The following NOTCH2 variants were observed in gnomAD, a reference collection of about 807,000 sequenced individuals.
NOTCH2 encodes the protein neurogenic locus notch homolog protein 2.
In NOTCH2, 29 loss-of-function variants were observed where a neutral mutation model predicts 235.8. The observed-to-expected ratio is 0.12, with a 90% CI of 0.09 to 0.17. NOTCH2 has a LOEUF of 0.17. NOTCH2 is among the 10% of genes least tolerant of loss of function. The pLI, the probability that NOTCH2 is intolerant of heterozygous loss-of-function variation, is 1.00. For synonymous variants in NOTCH2, 1,086 were observed against 1,141.5 expected (o/e 0.95, Z 0.98); for missense variants, 2,285 against 3,150.2 (o/e 0.73, Z 6.57).
chr1:119,965,575 G>C lies in NOTCH2; in HGVS notation c.1568-9C>G. 1 of 1,561,714 alleles carries C rather than the reference G, an allele frequency of 6.4e-7. No individual in the cohort carries two copies. ...AACTGGCCCAGTGAAACCTCAAAAA[G>C]GGACAGTGGTAACATGAGTCAAAGG... On this transcript the variant is annotated splice_polypyrimidine_tract_variant and intron_variant, in intron 9 of 33. Transcript: ENST00000256646.
At chr1:120,064,598 C>T (rs1655432060) in intron 1 of NOTCH2, among the ~76,000 whole-genome samples, 1 of 151,806 alleles carries the variant, frequency 6.6e-6, no homozygotes, top group African/African-American at 2.4e-5. Flanking sequence ...TTCTGTAGTA[C>T]AGAGAAGAAA....
chr1:119,925,758 T>C lies in NOTCH2; in HGVS notation c.4058A>G (p.Lys1353Arg), dbSNP rs2101163221. 6.2e-7 allele frequency: 1 copy of C among 1,614,106 alleles called. No homozygotes were observed. The highest frequency in any genetic ancestry group is 1.3e-5 in the African/African-American group (1 of 75,042). The change falls in exon 25 of 34, where the codon AAG becomes AGG. Residue 1353 changes from lysine to arginine, a missense_variant. Physicochemically the swap from Lys to Arg is conservative, Grantham distance 26 (BLOSUM62 2). Transcript: ENST00000256646. ...QSSCGQVKCR[K>R]GEQCVHTASG... ...GGCGGTGTGCACACACTGCTCCCCCTTCCTACATTTCACTTGTCCACAGCT... is the reference window on the plus strand; with the variant it reads ...GGCGGTGTGCACACACTGCTCCCCCCTCCTACATTTCACTTGTCCACAGCT...
intron 24 of NOTCH2, 123 bp from the exon 25 acceptor site, chr1:119,925,933 A>G: frequency 1.7e-6 from 2 of 1,166,188 alleles, no homozygotes; most frequent in Non-Finnish European, 1.3e-6. Context: ...AGCCCAAGCC[A>G]AGGTTACTAG....
In NOTCH2 at chr1:119,923,644, C is replaced by T; in HGVS notation, c.4852G>A (p.Val1618Met). ...CAGAAACCAAACACCTACCCAGCCA[C>T]CTCCTGTTCTTGTTCACCAGGAAGG... ...RSLPGEQEQE[V>M]AGSKVFLEID... Residue 1618 changes from valine to methionine, a missense_variant, in exon 26 of 34, where the codon GTG (valine) becomes ATG (methionine). Transcript: ENST00000256646. The T allele has an allele frequency of 6.2e-7, 1 of 1,614,002 alleles. No homozygotes were observed. The highest frequency in any genetic ancestry group is 8.5e-7 in the Non-Finnish European group (1 of 1,179,986).
intron 14 of NOTCH2, among the ~76,000 whole-genome samples, chr1:119,953,300 C>A (rs587669898): frequency 1.6e-4 from 23 of 139,530 alleles, no homozygotes; most frequent in African/African-American, 6.8e-4. Flanking sequence ...GCAACAAGAG[C>A]AAAACTCTGT....
At chr1:120,065,829 T>C (rs1356999035) in intron 1 of NOTCH2, among the ~76,000 whole-genome samples, 2 of 152,190 alleles carry the variant, frequency 1.3e-5, no homozygotes, top group Non-Finnish European at 2.9e-5. Flanking sequence ...AGTTCAAATT[T>C]AGGCATTCGA....
At chr1:120,029,006 AG>A (rs1462345133) in intron 2 of NOTCH2, among the ~76,000 whole-genome samples, 1 of 151,486 alleles carries the variant, frequency 6.6e-6, no homozygotes, top group African/African-American at 2.4e-5. Flanking sequence ...AGATGGTTGG[AG>A]AAAAAGGAAA....
chr1:119,920,181 C>A, intron 30 of NOTCH2, 48 bp downstream of exon 30: 2 of 1,603,050 alleles, frequency 1.2e-6, no homozygotes, highest in Non-Finnish European at 8.5e-7. Flanking sequence ...AATGTGGAAC[C>A]ATGGGCAGAC....
At chr1:119,995,648 A>G (rs1292080879) in intron 4 of NOTCH2, 11 of 152,238 alleles carry the variant, frequency 7.2e-5, no homozygotes, top group African/African-American at 2.7e-4. Flanking sequence ...CTTATTTAGT[A>G]TCTAGAATGA....
intron 1 of NOTCH2, among the ~76,000 whole-genome samples, chr1:120,037,902 TAAC>T (rs1300155513): frequency 2.0e-5 from 3 of 152,130 alleles, no homozygotes; most frequent in South Asian, 2.1e-4. Context: ...TAATCAATGA[TAAC>T]AACTTATAAA....
intron 1 of NOTCH2, among the ~76,000 whole-genome samples, chr1:120,032,235 A>G (rs1553211083): frequency 7.2e-6 from 1 of 138,240 alleles, no homozygotes; most frequent in Non-Finnish European, 1.5e-5. Context: ...CTGAGAGCGA[A>G]CTAAATGTCC....
Position 119,949,107 on chromosome 1 carries a change from T to C in NOTCH2, c.2499A>G (p.Val833=), listed in dbSNP as rs1650365459. 1 of 1,614,214 alleles carries C rather than the reference T, an allele frequency of 6.2e-7. No homozygotes were observed. Among genetic ancestry groups the C allele is most frequent in the Admixed American group, 1.7e-5 (1 of 60,026 alleles). The change falls in exon 16 of 34, where the codon GTA becomes GTG. Residue 833 remains valine (V), a synonymous_variant. Coordinates refer to ENST00000256646, the MANE Select transcript of NOTCH2 (RefSeq NM_024408.4). ...LPYTGKNCQT[V]LAPCSPNPCE... is the part of the protein sequence containing the mutation. ...AAGGGTTTGGGGAACAGGGAGCCAATACTGTCTGACAATTCTTGCCTAGAA... is the reference window on the plus strand; with the variant it reads ...AAGGGTTTGGGGAACAGGGAGCCAACACTGTCTGACAATTCTTGCCTAGAA...
At chr1:119,984,740 G>A (rs1651945612) in intron 5 of NOTCH2, among the ~76,000 whole-genome samples, 1 of 152,132 alleles carries the variant, frequency 6.6e-6, no homozygotes, top group Non-Finnish European at 1.5e-5. Context: ...GTCATCAATA[G>A]TCCAACCGCC....
chr1:119,949,828 G>A (rs1231295015), intron 15 of NOTCH2, among the ~76,000 whole-genome samples: 1 of 152,164 alleles, frequency 6.6e-6, no homozygotes, highest in African/African-American at 2.4e-5. Flanking sequence ...CTCCAGGGAA[G>A]TAATAACTCA....
chr1:119,981,848 C>T (rs896317837), intron 5 of NOTCH2, among the ~76,000 whole-genome samples: 1 of 151,988 alleles, frequency 6.6e-6, no homozygotes, highest in Non-Finnish European at 1.5e-5. Flanking sequence ...TTTTCCCATT[C>T]CTCCATGTAG....
At chr1:119,928,225 T>G (rs1181283048) in intron 23 of NOTCH2, among the ~76,000 whole-genome samples, 1 of 152,148 alleles carries the variant, frequency 6.6e-6, no homozygotes, top group African/African-American at 2.4e-5. Flanking sequence ...TCAGGCCCTG[T>G]GATGAAAGAA....
rs13375878 is a variant in NOTCH2, at chr1:119,942,332, T to C, written c.2753-578A>G. 5.4e-4 allele frequency among the ~76,000 whole-genome samples: 83 copies of C among 152,306 alleles called. 1 individual carries two copies. The highest frequency in any genetic ancestry group is 1.9e-3 in the African/African-American group (80 of 41,556). On this transcript the variant is annotated intron_variant, in intron 17 of 33. Coordinates refer to ENST00000256646, the MANE Select transcript of NOTCH2 (RefSeq NM_024408.4). ...ACCAACAAATTTTAAGCTACAGTCA[T>C]GCCACGGCACTCTACAATTATATGC... is the stretch of plus-strand genomic sequence containing the variant.
chr1:119,915,813 G>C lies in NOTCH2; in HGVS notation c.6909C>G (p.Pro2303=). Residue 2303 remains proline (P), a synonymous_variant, in exon 34 of 34, where the codon CCC becomes CCG. Transcript: ENST00000256646. ...HITTPREPLP[P]IVTFQLIPKG... ...TAGGGATGAGCTGGAAAGTCACAATGGGGGGCAAGGGCTCCCGAGGGGTGG... is the reference window on the plus strand; with the variant it reads ...TAGGGATGAGCTGGAAAGTCACAATCGGGGGCAAGGGCTCCCGAGGGGTGG... The C allele has an allele frequency of 6.2e-7, 1 of 1,613,512 alleles. No individual in the cohort carries two copies. Among genetic ancestry groups the C allele is most frequent in the Non-Finnish European group, 8.5e-7 (1 of 1,179,614 alleles).
At chr1:120,033,069 T>C (rs1690060) in intron 1 of NOTCH2, among the ~76,000 whole-genome samples, 1 of 151,358 alleles carries the variant, frequency 6.6e-6, no homozygotes, top group Non-Finnish European at 1.5e-5. Context: ...TTTATTGAAA[T>C]GATGTCTGTA....
Sources: allele counts gnomAD v4.1 joint callset (sites outside exome capture counted in the v4.1 genomes callset), GRCh38; gene constraint gnomAD v4.1.1; transcripts MANE v1.5; gene names NCBI Gene and HGNC (gene_info 2026-07-23, HGNC 2026-07-21).